The following TTC38 variants were observed in gnomAD, a reference collection of about 807,000 sequenced individuals.
TTC38 encodes tetratricopeptide repeat domain 38, also known as tetratricopeptide repeat protein 38.
In TTC38, 64 loss-of-function variants were observed where a neutral mutation model predicts 64.2. The observed-to-expected ratio is 1.00, with a 90% confidence interval of 0.81 to 1.23. TTC38 has a LOEUF of 1.23. TTC38 is among the 50% of genes most tolerant of loss of function. TTC38 has a pLI of 0.00. For missense variants in TTC38, 573 were observed against 615.5 expected, an observed-to-expected ratio of 0.93 and a Z score of 0.73; for synonymous variants, 254 against 249.3, an observed-to-expected ratio of 1.02 and a Z score of -0.18.
chr22:46,293,283 C>G lies in TTC38; in HGVS notation c.*399C>G, dbSNP rs2077629437. The G allele has an allele frequency of 4.7e-6, 1 of 212,082 alleles. No homozygotes were observed. Among genetic ancestry groups the G allele is most frequent in the South Asian group, 9.4e-5 (1 of 10,586 alleles). 13.1% of individuals were successfully genotyped at this position (212,082 alleles called of 1,614,324 possible). A position where few individuals can be genotyped will look rare whatever the true frequency, so the allele number is the denominator to read the frequency against. On this transcript the variant is annotated 3_prime_UTR_variant, in exon 14 of 14. Transcript: ENST00000381031. This position sits in a 1 kb window ranked among gnomAD's most constrained non-coding sequence, Gnocchi z 6.6. ...CCCCACTGCCTGTCCCCGTCCCCACCAGGCTGCCCTTGGGATGGACCTTTT... is the reference window on the plus strand; with the variant it reads ...CCCCACTGCCTGTCCCCGTCCCCACGAGGCTGCCCTTGGGATGGACCTTTT...
In TTC38 at chr22:46,275,343, AC is replaced by A; in HGVS notation, c.463del (p.Leu155TrpfsTer7). The A allele has an allele frequency of 6.2e-7, 1 of 1,614,118 alleles. No homozygotes were observed. Among genetic ancestry groups the A allele is most frequent in the South Asian group, 1.1e-5 (1 of 91,082 alleles). On this transcript the variant is annotated frameshift_variant, in exon 5 of 14. Transcript: ENST00000381031. LOFTEE classifies it high-confidence loss of function. This position sits in a 1 kb window ranked among gnomAD's most constrained non-coding sequence, Gnocchi z 4.5. Reference protein sequence around the residue: ...ALKFSHDAYFYLGYQEQMRDS... With the variant: ...ALKFSHDAYFXLGYQEQMRDS... The stretch of plus-strand genomic sequence containing the variant: ...AAATTTTCCCATGATGCTTATTTTT[AC>A]CTGGGCTATCAGGAACAGATGAGAG...
rs752187859 is a variant in TTC38, at chr22:46,272,392, C to T, written c.169C>T (p.Leu57Phe). ...TGGCATCGAGGGCTGCCTGTCAAAG[C>T]TCAAAGCAGCAGATCCAACCTTTGG... ...LGGIEGCLSKLKAADPTFVMG... is the reference protein window; with the variant it reads ...LGGIEGCLSKFKAADPTFVMG... Residue 57 changes from leucine (L) to phenylalanine (F), a missense_variant, in exon 3 of 14, where the codon CTC becomes TTC. Leu to Phe is a conservative substitution (Grantham distance 22). This residue lies in a region of TTC38 where 134 missense variants were observed against 126.5 expected (regional missense o/e 1.06). Transcript: ENST00000381031. This position sits in a 1 kb window ranked among gnomAD's most constrained non-coding sequence, Gnocchi z 6.4. 1.9e-6 allele frequency: 3 copies of T among 1,613,888 alleles called. No homozygotes were observed. In the South Asian group the frequency reaches 3.3e-5, roughly 18 times the overall value.
In TTC38 at chr22:46,273,864, C is replaced by G. The variant is rs760616702; in HGVS notation, c.194-34C>G. 2 of 1,611,834 alleles carry G rather than the reference C, an allele frequency of 1.2e-6. No homozygotes were observed. Among genetic ancestry groups the G allele is most frequent in the South Asian group, 1.1e-5 (1 of 90,962 alleles). ...GCTGGGATGGGCTGAGCTGGACCAT[C>G]TGAACCACCAGCCGTTCTCTAACCT... On this transcript the variant is annotated intron_variant, in intron 3 of 13. Transcript: ENST00000381031. This position sits in a 1 kb window ranked among gnomAD's most constrained non-coding sequence, Gnocchi z 5.1.
intron 8 of TTC38, among the ~76,000 whole-genome samples, chr22:46,284,998 T>G (rs1432643228): frequency 1.3e-5 from 2 of 152,150 alleles, no homozygotes; most frequent in African/African-American, 4.8e-5. Context: ...CAACTGTTTC[T>G]TCAGTGGTGG....
In TTC38 at chr22:46,292,953, C is replaced by T. The variant is rs185955357; in HGVS notation, c.*69C>T. The T allele has an allele frequency of 4.2e-4, 547 of 1,296,412 alleles. 3 individuals are homozygous for T. In the African/African-American group the frequency reaches 7.2e-3, roughly 17 times the overall value. 80.3% of individuals were successfully genotyped at this position (1,296,412 alleles called of 1,614,324 possible). On this transcript the variant is annotated 3_prime_UTR_variant, in exon 14 of 14. Transcript: ENST00000381031. This position sits in a 1 kb window ranked among gnomAD's most constrained non-coding sequence, Gnocchi z 6.5. ...TCACTGCGTCCAGTCAGCTGCTCCA[C>T]CGGGTTAGGGTCAGGAGACGGCCAG...
At position 46,273,945 on chromosome 22, in the gene TTC38, AG is replaced by A. The variant is rs755103068; in HGVS notation, c.242del (p.Ser81ThrfsTer3). On this transcript the variant is annotated frameshift_variant, in exon 4 of 14. Transcript: ENST00000381031. LOFTEE classifies it high-confidence loss of function. The surrounding 1 kb of genome is among the most constrained non-coding windows in gnomAD (Gnocchi z 5.1). ...TGGCCTTGTGCTGATTGGCACTGGAAGCTCCGTGAAGCTGGACAAAGAGCTG... is the reference window on the plus strand; with the variant it reads ...TGGCCTTGTGCTGATTGGCACTGGAACTCCGTGAAGCTGGACAAAGAGCTG... ...ATGLVLIGTGSSVKLDKELDL... is the reference protein window; with the variant it reads ...ATGLVLIGTGXSVKLDKELDL... 6.2e-7 allele frequency: 1 copy of A among 1,614,236 alleles called. No homozygotes were observed. Among genetic ancestry groups the A allele is most frequent in the South Asian group, 1.1e-5 (1 of 91,084 alleles).
chr22:46,274,070 G>T lies in TTC38; in HGVS notation c.365+1G>T, dbSNP rs1936955937. The stretch of plus-strand genomic sequence containing the variant: ...CTGCAGTAGAGACATTTGCCAATGG[G>T]TGAGGGGCCTCCCTGGGCTGGGAGC... On this transcript the variant is annotated splice_donor_variant, in intron 4 of 13. Transcript: ENST00000381031. LOFTEE classifies it high-confidence loss of function. This position sits in a 1 kb window ranked among gnomAD's most constrained non-coding sequence, Gnocchi z 4.8. 1.2e-6 allele frequency: 2 copies of T among 1,613,604 alleles called. No homozygotes were observed. The highest frequency in any genetic ancestry group is 1.3e-5 in the African/African-American group (1 of 74,878).
chr22:46,284,338 G>T (rs2077556623), intron 8 of TTC38, among the ~76,000 whole-genome samples: 1 of 152,220 alleles, frequency 6.6e-6, no homozygotes, highest in African/African-American at 2.4e-5. Flanking sequence ...TCCAACGGGA[G>T]CCAGGCTATG....
intron 2 of TTC38, among the ~76,000 whole-genome samples, chr22:46,269,507 G>A (rs1936846716): frequency 6.6e-6 from 1 of 152,208 alleles, no homozygotes; most frequent in African/African-American, 2.4e-5. Flanking sequence ...GGATGAACCT[G>A]GGCCTAACTG....
At chr22:46,287,023 C>T (rs774764441) in intron 9 of TTC38, 50 bp from the exon 10 acceptor site, 232 of 1,477,172 alleles carry the variant, frequency 1.6e-4, no homozygotes, top group Non-Finnish European at 1.8e-4. Context: ...GCCTGCAGCC[C>T]CATCATCTGG....
At chr22:46,289,765 CG>C in intron 12 of TTC38, 60 bp from the exon 13 acceptor site, 10 of 1,566,564 alleles carry the variant, frequency 6.4e-6, no homozygotes, top group Admixed American at 1.7e-5. Context: ...CCGCGGTGGG[CG>C]GGGGCTCGCC....
Position 46,268,064 on chromosome 22 carries a change from G to T in TTC38, c.25G>T (p.Asp9Tyr), listed in dbSNP as rs961250459. ...CATGGCCGCAGCCTCGCCTCTGCGC[G>T]ACTGCCAGGTACACGGAGGCTGCCC... MAAASPLR[D>Y]CQAWKDARLP... The change falls in exon 1 of 14, where the codon GAC (aspartate) becomes TAC (tyrosine). Residue 9 changes from aspartate (D) to tyrosine (Y), a missense_variant. By Grantham distance (160) the Asp-to-Tyr change is radical (BLOSUM62 -3). This residue lies in a region of TTC38 where 134 missense variants were observed against 126.5 expected (regional missense o/e 1.06). Coordinates refer to ENST00000381031, the MANE Select transcript of TTC38 (RefSeq NM_017931.4). 40 of 1,543,728 alleles carry T rather than the reference G, an allele frequency of 2.6e-5. No homozygotes were observed. The highest frequency in any genetic ancestry group is 9.6e-5 in the Admixed American group (5 of 52,310).
intron 13 of TTC38, among the ~76,000 whole-genome samples, chr22:46,290,480 T>G (rs6008546): frequency 0.12 from 14,638 of 125,426 alleles, 1,996 homozygotes; most frequent in African/African-American, 0.32. Context: ...GAGGGTGGCG[T>G]GGCTGGAGGG....
Position 46,281,513 on chromosome 22 carries a change from T to C in TTC38, c.616-86T>C. 3 of 1,237,668 alleles carry C rather than the reference T, an allele frequency of 2.4e-6. No individual in the cohort carries two copies. Among genetic ancestry groups the C allele is most frequent in the Non-Finnish European group, 3.4e-6 (3 of 888,558 alleles). The allele number at this position is 1,237,668 out of a possible 1,614,324, so 76.7% of individuals were successfully genotyped here. ...CCACCCCGTTCAGCCCAGGCCCCTCTTGCCCCTTAGAGACCTGCCGTCGCC... is the reference window on the plus strand; with the variant it reads ...CCACCCCGTTCAGCCCAGGCCCCTCCTGCCCCTTAGAGACCTGCCGTCGCC... On this transcript the variant is annotated intron_variant, in intron 6 of 13. Transcript: ENST00000381031. The surrounding 1 kb of genome is among the most constrained non-coding windows in gnomAD (Gnocchi z 5.2).
At chr22:46,285,764 G>A (rs2077567234) in intron 9 of TTC38, among the ~76,000 whole-genome samples, 1 of 152,020 alleles carries the variant, frequency 6.6e-6, no homozygotes, top group Non-Finnish European at 1.5e-5. Context: ...TGTAATCCCA[G>A]TAATTTGGGA....
rs893011253 is a variant in TTC38 at position 46,291,041 on chromosome 22, C to G, written c.1316+1142C>G. 6.6e-6 allele frequency among the ~76,000 whole-genome samples: 1 copy of G among 152,170 alleles called. No homozygotes were observed. On this transcript the variant is annotated intron_variant, in intron 13 of 13. Transcript: ENST00000381031. This position sits in a 1 kb window ranked among gnomAD's most constrained non-coding sequence, Gnocchi z 4.6. ...AGTGGTTTAGGCGCAGGTGCACCAG[C>G]GCAGCTCCCTCCAGGCAGGGTTACC...
chr22:46,291,799 A>G lies in TTC38; in HGVS notation c.1317-992A>G, dbSNP rs959530932. Among the ~76,000 whole-genome samples, 1 of 152,172 alleles carries G rather than the reference A, an allele frequency of 6.6e-6. No individual in the cohort carries two copies. The highest frequency in any genetic ancestry group is 2.4e-5 in the African/African-American group (1 of 41,448). ...GTGAAACTCCGCCTCTACTAAAAAT[A>G]CAAAAAATTAGCCGGGCGTGGTGGT... On this transcript the variant is annotated intron_variant, in intron 13 of 13. Coordinates refer to ENST00000381031, the MANE Select transcript of TTC38 (RefSeq NM_017931.4). The surrounding 1 kb of genome is among the most constrained non-coding windows in gnomAD (Gnocchi z 4.6).
chr22:46,272,831 T>G lies in TTC38; in HGVS notation c.193+415T>G, dbSNP rs1320272150. On this transcript the variant is annotated intron_variant, in intron 3 of 13. Coordinates refer to ENST00000381031, the MANE Select transcript of TTC38 (RefSeq NM_017931.4). The surrounding 1 kb of genome is among the most constrained non-coding windows in gnomAD (Gnocchi z 6.4). ...TGAGAGGTGGCTGCTGCAGCCTCCGTCAGGGGACCAGTGAGGCCTCATCCA... is the reference window on the plus strand; with the variant it reads ...TGAGAGGTGGCTGCTGCAGCCTCCGGCAGGGGACCAGTGAGGCCTCATCCA... 6.6e-6 allele frequency among the ~76,000 whole-genome samples: 1 copy of G among 152,076 alleles called. No individual in the cohort carries two copies. Among genetic ancestry groups the G allele is most frequent in the African/African-American group, 2.4e-5 (1 of 41,404 alleles).
At position 46,289,496 on chromosome 22, in the gene TTC38, C is replaced by T. The variant is rs773035041; in HGVS notation, c.1177C>T (p.Arg393Cys). ...LVEAEDGNPDRVLELLLPIRY... is the reference protein window; with the variant it reads ...LVEAEDGNPDCVLELLLPIRY... ...GGAGGCTGAGGACGGGAACCCTGAC[C>T]GCGTCCTGGAGCTGCTCCTGCCCAT... The change falls in exon 12 of 14, where the codon CGC becomes TGC. Residue 393 changes from arginine (R) to cysteine (C), a missense_variant. Coordinates refer to ENST00000381031, the MANE Select transcript of TTC38 (RefSeq NM_017931.4). 2.2e-5 allele frequency: 35 copies of T among 1,608,436 alleles called. No individual in the cohort carries two copies. The highest frequency in any genetic ancestry group is 4.4e-5 in the South Asian group (4 of 90,936).
Sources: gnomAD v4.1 joint callset for allele counts (sites outside exome capture counted in the v4.1 genomes callset) on GRCh38, gnomAD v4.1.1 for gene constraint, gnomAD v4.1.1 regional missense constraint, Gnocchi (gnomAD v3.1) non-coding constraint, MANE v1.5 for transcripts, NCBI Gene and HGNC (gene_info 2026-07-23, HGNC 2026-07-21) for gene names.